Variants in TMTC2 observed in about 807,000 individuals in gnomAD.
The protein encoded by TMTC2 is transmembrane O-mannosyltransferase targeting cadherins 2.
In TMTC2, 43 loss-of-function variants were observed where a neutral mutation model predicts 82.4. The observed-to-expected ratio is 0.52, with a 90% CI of 0.41 to 0.67. TMTC2 has a LOEUF of 0.67. TMTC2 is among the 30% of genes least tolerant of loss of function. The probability of loss-of-function intolerance (pLI) is 0.00; values close to 1 mark genes in which losing one functional copy is unlikely to be tolerated. For synonymous variants in TMTC2, 408 were observed against 381.9 expected (o/e 1.07, Z -0.80); for missense variants, 919 against 1,012.4 (o/e 0.91, Z 1.25).
chr12:82,825,400 G>A (rs1007549401), intron 1 of TMTC2, among the ~76,000 whole-genome samples: 1 of 152,202 alleles, frequency 6.6e-6, no homozygotes, highest in Non-Finnish European at 1.5e-5. Flanking sequence ...GTCAGCCACA[G>A]GAGTGGAGAG....
At chr12:82,760,864 AC>A in intron 1 of TMTC2, 3 of 398,604 alleles carry the variant, frequency 7.5e-6, no homozygotes, top group East Asian at 9.8e-5. Context: ...GTCTCCCCTC[AC>A]CCCCAGATGG....
At chr12:82,988,931 A>C (rs1879288103) in intron 8 of TMTC2, among the ~76,000 whole-genome samples, 1 of 149,942 alleles carries the variant, frequency 6.7e-6, no homozygotes, top group Admixed American at 6.7e-5. Flanking sequence ...ATCAATGGGT[A>C]ACCAAGGATC....
chr12:82,863,378 CTGTT>C (rs1372565414), intron 2 of TMTC2, among the ~76,000 whole-genome samples: 8 of 152,064 alleles, frequency 5.3e-5, no homozygotes, highest in Non-Finnish European at 1.0e-4. Flanking sequence ...AACTGTAGGG[CTGTT>C]TGTTAGGCCC....
chr12:82,827,068 G>A (rs974503431), intron 1 of TMTC2, among the ~76,000 whole-genome samples: 1 of 152,036 alleles, frequency 6.6e-6, no homozygotes, highest in Non-Finnish European at 1.5e-5. Flanking sequence ...CTTGAATCTG[G>A]CTCCCTATAA....
At chr12:82,751,351 CA>C (rs1158959584) in intron 1 of TMTC2, among the ~76,000 whole-genome samples, 3 of 149,154 alleles carry the variant, frequency 2.0e-5, no homozygotes, top group Admixed American at 6.7e-5. Flanking sequence ...AAGACATGGA[CA>C]CAGGAAGGGG....
rs377481181 is a variant in TMTC2 at position 82,729,045 on chromosome 12, C to T, written c.83+41376C>T. Among the ~76,000 whole-genome samples the T allele has an allele frequency of 1.3e-3, 198 of 152,354 alleles. 7 individuals are homozygous for T. In the South Asian group the frequency reaches 0.039, roughly 30 times the overall value. On this transcript the variant is annotated intron_variant, in intron 1 of 11. Coordinates refer to ENST00000321196, the MANE Select transcript of TMTC2 (RefSeq NM_152588.3). ...TCCTGCGTGGCCCGAGCCTCCCCGA[C>T]GAGCGCTGCCCCCTGCTCCAGGTGC...
intron 8 of TMTC2, among the ~76,000 whole-genome samples, chr12:83,028,798 G>A (rs1881290825): frequency 6.6e-6 from 1 of 152,120 alleles, no homozygotes; most frequent in Non-Finnish European, 1.5e-5. Flanking sequence ...AACCTAATCG[G>A]TAAGATACTT....
chr12:82,951,458 T>TTTG (rs200086171), intron 4 of TMTC2, among the ~76,000 whole-genome samples: 2 of 152,072 alleles, frequency 1.3e-5, no homozygotes, highest in Admixed American at 1.3e-4. Flanking sequence ...GCCCAGCTAT[T>TTTG]TTGTTGTTGT....
intron 1 of TMTC2, among the ~76,000 whole-genome samples, chr12:82,801,843 G>A (rs12820096): frequency 1.3e-5 from 2 of 151,962 alleles, no homozygotes; most frequent in Non-Finnish European, 1.5e-5. Flanking sequence ...TGAGCTAGAC[G>A]CAGGGTGCTG....
intron 9 of TMTC2, among the ~76,000 whole-genome samples, chr12:83,044,676 C>T (rs1475972585): frequency 1.3e-5 from 2 of 152,168 alleles, no homozygotes; most frequent in African/African-American, 4.8e-5. Context: ...CCAAGGACAA[C>T]CACTTTAATG....
At chr12:82,913,518 A>T (rs932206835) in intron 3 of TMTC2, among the ~76,000 whole-genome samples, 6 of 152,330 alleles carry the variant, frequency 3.9e-5, no homozygotes, top group Middle Eastern at 3.4e-3. Flanking sequence ...CAATAATCTG[A>T]CAAGATTATT....
At chr12:83,037,891 C>G (rs190979511) in intron 9 of TMTC2, among the ~76,000 whole-genome samples, 2 of 151,368 alleles carry the variant, frequency 1.3e-5, no homozygotes, top group African/African-American at 4.9e-5. Flanking sequence ...TCTTTAAAGG[C>G]AAAAAATAAA....
At chr12:82,879,229 T>C (rs930422401) in intron 2 of TMTC2, among the ~76,000 whole-genome samples, 11 of 152,166 alleles carry the variant, frequency 7.2e-5, no homozygotes, top group Non-Finnish European at 1.6e-4. Context: ...AGAACTGGAC[T>C]TGGTGGGTAT....
intron 2 of TMTC2, among the ~76,000 whole-genome samples, chr12:82,888,465 T>G (rs1873217526): frequency 6.6e-6 from 1 of 152,206 alleles, no homozygotes; most frequent in South Asian, 2.1e-4. Flanking sequence ...TGACTTTGTT[T>G]TTTTAAGAGA....
chr12:82,771,316 T>A (rs1159216491), intron 1 of TMTC2, among the ~76,000 whole-genome samples: 1 of 152,096 alleles, frequency 6.6e-6, no homozygotes, highest in Non-Finnish European at 1.5e-5. Flanking sequence ...CCAGAAAGCA[T>A]TTGTTTGATA....
intron 3 of TMTC2, among the ~76,000 whole-genome samples, chr12:82,920,253 T>C (rs1003831334): frequency 1.7e-4 from 26 of 152,228 alleles, no homozygotes; most frequent in African/African-American, 6.3e-4. Flanking sequence ...TTGTGAAGTA[T>C]ATCAGAGATA....
chr12:82,715,077 C>T (rs1431519173), intron 1 of TMTC2, among the ~76,000 whole-genome samples: 1 of 152,006 alleles, frequency 6.6e-6, no homozygotes. Context: ...CGAGACCAGG[C>T]TGGCCAAGAT....
intron 11 of TMTC2, among the ~76,000 whole-genome samples, chr12:83,071,186 G>A (rs748682448): frequency 7.8e-5 from 11 of 140,274 alleles, no homozygotes; most frequent in Admixed American, 2.9e-4. Context: ...ACGGAGTCTC[G>A]CTCTGTCGCC....
chr12:82,985,656 CAG>C (rs1879123109), intron 7 of TMTC2, among the ~76,000 whole-genome samples: 1 of 152,258 alleles, frequency 6.6e-6, no homozygotes, highest in African/African-American at 2.4e-5. Flanking sequence ...GTCTGGGAAT[CAG>C]ATGTTCTATG....
Sources: gnomAD v4.1 joint callset for allele counts (sites outside exome capture counted in the v4.1 genomes callset) on GRCh38, gnomAD v4.1.1 for gene constraint, MANE v1.5 for transcripts, NCBI Gene and HGNC (gene_info 2026-07-23, HGNC 2026-07-21) for gene names.